Variants in PPARGC1A observed in about 807,000 individuals in gnomAD.
PPARGC1A encodes PPARG coactivator 1 alpha.
In PPARGC1A, 25 loss-of-function variants were observed where a neutral mutation model predicts 88.7. The observed-to-expected ratio is 0.28, with a 90% confidence interval of 0.21 to 0.39. The LOEUF (loss-of-function observed/expected upper bound fraction) is 0.39, where lower values mean the gene tolerates loss of function less well. Among genes scored for constraint, PPARGC1A ranks in the 10% least tolerant of loss-of-function variants. The pLI is 1.00. For synonymous variants in PPARGC1A, 363 were observed against 355.6 expected (o/e 1.02, Z -0.24); for missense variants, 880 against 968.7 (o/e 0.91, Z 1.22).
chr4:24,065,030 G>A, the PPARGC1A span, among the ~76,000 whole-genome samples: 13 of 152,288 alleles, frequency 8.5e-5, no homozygotes, highest in Admixed American at 3.3e-4. Flanking sequence ...ACCTTGCAAC[G>A]AGTTTAGGAG....
chr4:23,980,153 CT>C, the PPARGC1A span, among the ~76,000 whole-genome samples: 1 of 136,264 alleles, frequency 7.3e-6, no homozygotes, highest in East Asian at 2.2e-4. Flanking sequence ...ACAGCATCAA[CT>C]CCTGTGGCTA....
At chr4:24,243,341 G>C in the PPARGC1A span, among the ~76,000 whole-genome samples, 3 of 152,248 alleles carry the variant, frequency 2.0e-5, no homozygotes, top group Admixed American at 6.5e-5. Context: ...GTCAGAAGCA[G>C]AGCATCCCAC....
At chr4:24,177,787 C>A in the PPARGC1A span, among the ~76,000 whole-genome samples, 2 of 151,868 alleles carry the variant, frequency 1.3e-5, no homozygotes, top group South Asian at 4.1e-4. Context: ...ACTGCTCTGT[C>A]TTCAAGGAAT....
chr4:24,472,834 G>C, the PPARGC1A span, among the ~76,000 whole-genome samples: 1 of 151,550 alleles, frequency 6.6e-6, no homozygotes, highest in African/African-American at 2.4e-5. This position sits in a 1 kb window ranked among gnomAD's most constrained non-coding sequence, Gnocchi z 4.5. Flanking sequence ...GACCGCAGGG[G>C]AAGCGAGAGG....
chr4:23,807,851 C>A (rs1720119064), intron 10 of PPARGC1A, among the ~76,000 whole-genome samples: 1 of 152,006 alleles, frequency 6.6e-6, no homozygotes, highest in African/African-American at 2.4e-5. Context: ...TATAGCAGAT[C>A]TCTATAATTA....
At chr4:23,929,293 T>C in the PPARGC1A span, among the ~76,000 whole-genome samples, 1 of 152,166 alleles carries the variant, frequency 6.6e-6, no homozygotes, top group East Asian at 1.9e-4. Flanking sequence ...GAGCATGCTA[T>C]ATGTGGTAGA....
the PPARGC1A span, among the ~76,000 whole-genome samples, chr4:23,986,397 C>T: frequency 2.0e-5 from 3 of 151,998 alleles, no homozygotes; most frequent in African/African-American, 7.2e-5. Context: ...TTGTATATGA[C>T]TCCAGGTAAC....
At chr4:24,117,915 C>T in the PPARGC1A span, among the ~76,000 whole-genome samples, 19 of 151,798 alleles carry the variant, frequency 1.3e-4, no homozygotes, top group Non-Finnish European at 2.8e-4. Flanking sequence ...AGCTGGGCCT[C>T]ATTTCTAATT....
chr4:23,809,890 T>G (rs531286086), intron 10 of PPARGC1A, among the ~76,000 whole-genome samples: 34 of 152,266 alleles, frequency 2.2e-4, no homozygotes, highest in African/African-American at 7.9e-4. Flanking sequence ...TTCTCCTTCA[T>G]ATATAGATCT....
At chr4:24,151,433 C>T in the PPARGC1A span, among the ~76,000 whole-genome samples, 2 of 152,132 alleles carry the variant, frequency 1.3e-5, no homozygotes, top group Non-Finnish European at 2.9e-5. Context: ...GAAGGCCCTT[C>T]TCTCACAAGT....
chr4:23,824,866 T>G (rs1404711696), intron 5 of PPARGC1A, among the ~76,000 whole-genome samples: 1 of 152,138 alleles, frequency 6.6e-6, no homozygotes, highest in Non-Finnish European at 1.5e-5. Flanking sequence ...GCAGAGCAAC[T>G]ATAAGGCGAC....
chr4:24,327,050 A>T, the PPARGC1A span, among the ~76,000 whole-genome samples: 16 of 152,128 alleles, frequency 1.1e-4, no homozygotes, highest in African/African-American at 3.6e-4. Flanking sequence ...TCAGTGACAG[A>T]CTAATGGTCT....
At chr4:24,235,268 T>C in the PPARGC1A span, among the ~76,000 whole-genome samples, 3 of 152,314 alleles carry the variant, frequency 2.0e-5, no homozygotes, top group Non-Finnish European at 4.4e-5. Flanking sequence ...CAGAAGCTCT[T>C]GGGCCCTTAA....
the PPARGC1A span, among the ~76,000 whole-genome samples, chr4:24,324,070 G>T: frequency 6.6e-6 from 1 of 152,136 alleles, no homozygotes; most frequent in African/African-American, 2.4e-5. Context: ...GCTTTCCCTT[G>T]GTGTTTAATC....
chr4:24,111,348 C>T, the PPARGC1A span, among the ~76,000 whole-genome samples: 1 of 152,072 alleles, frequency 6.6e-6, no homozygotes, highest in Non-Finnish European at 1.5e-5. Flanking sequence ...TTCTAATCTT[C>T]GGTAGGTCAT....
At chr4:24,106,552 G>A in the PPARGC1A span, among the ~76,000 whole-genome samples, 1,259 of 152,248 alleles carry the variant, frequency 8.3e-3, 21 homozygotes, top group African/African-American at 0.028. Context: ...AAAGAGGCAT[G>A]TAGATCTTCT....
the PPARGC1A span, among the ~76,000 whole-genome samples, chr4:24,413,695 C>T: frequency 6.6e-6 from 1 of 152,164 alleles, no homozygotes; most frequent in African/African-American, 2.4e-5. Context: ...CCGCTGCTGG[C>T]TTCGCAGCTG....
chr4:23,954,292 T>C, the PPARGC1A span, among the ~76,000 whole-genome samples: 1 of 152,118 alleles, frequency 6.6e-6, no homozygotes, highest in East Asian at 1.9e-4. Context: ...ACAGTTTTCA[T>C]ACATTGCACA....
At chr4:23,809,798 A>G (rs574830355) in intron 10 of PPARGC1A, among the ~76,000 whole-genome samples, 1 of 152,308 alleles carries the variant, frequency 6.6e-6, no homozygotes, top group Admixed American at 6.5e-5. Flanking sequence ...AAAGGCTACC[A>G]TATTGGATGC....
Sources: allele counts gnomAD v4.1 joint callset (sites outside exome capture counted in the v4.1 genomes callset), GRCh38; gene constraint gnomAD v4.1.1; non-coding constraint Gnocchi (gnomAD v3.1); transcripts MANE v1.5; gene names NCBI Gene and HGNC (gene_info 2026-07-23, HGNC 2026-07-21).